OCIAD1: variants seen among roughly 807,000 people sequenced by gnomAD.
OCIAD1 encodes the protein OCIA domain-containing protein 1.
Under a neutral mutation model 38.9 loss-of-function variants are expected in OCIAD1, and 29 were observed. The observed-to-expected ratio is 0.74, with a 90% CI of 0.55 to 1.02. OCIAD1 has a LOEUF of 1.02. OCIAD1 is among the 50% of genes least tolerant of loss of function. The pLI is 0.00. For missense variants in OCIAD1, 288 were observed against 289.6 expected (o/e 0.99, Z 0.04); for synonymous variants, 110 against 92.0 (o/e 1.20, Z -1.12).
At chr4:48,807,830 G>T (rs965516330) in intron 1 of OCIAD1, among the ~76,000 whole-genome samples, 2 of 151,964 alleles carry the variant, frequency 1.3e-5, no homozygotes, top group African/African-American at 2.4e-5. Context: ...TTCAAACGTG[G>T]GTGTTTCCCA....
At chr4:48,833,589 A>C in intron 3 of OCIAD1, 108 bp downstream of exon 3, 1 of 659,742 alleles carries the variant, frequency 1.5e-6, no homozygotes, top group Non-Finnish European at 2.6e-6. Context: ...ACAAATTGGC[A>C]AACTTTTTGC....
chr4:48,822,244 A>T (rs192702410), intron 1 of OCIAD1, among the ~76,000 whole-genome samples: 2 of 152,316 alleles, frequency 1.3e-5, no homozygotes. Context: ...AACACCATGC[A>T]TCACAACCAT....
chr4:48,823,995 T>C (rs2109497458), intron 1 of OCIAD1, among the ~76,000 whole-genome samples: 1 of 151,678 alleles, frequency 6.6e-6, no homozygotes, highest in Admixed American at 6.6e-5. Flanking sequence ...TGTTTTGTTT[T>C]TAAGACAGGG....
intron 1 of OCIAD1, among the ~76,000 whole-genome samples, chr4:48,821,599 C>G (rs1777194495): frequency 6.6e-6 from 1 of 152,164 alleles, no homozygotes; most frequent in Non-Finnish European, 1.5e-5. Context: ...AAGAGGAAGT[C>G]AAATTGTCTC....
chr4:48,850,140 T>C, intron 6 of OCIAD1, 58 bp downstream of exon 6: 2 of 1,545,874 alleles, frequency 1.3e-6, no homozygotes, highest in African/African-American at 1.4e-5. Context: ...CAACTAGATG[T>C]TGCTATAACT....
intron 3 of OCIAD1, among the ~76,000 whole-genome samples, chr4:48,835,286 G>A (rs1777882135): frequency 6.6e-6 from 1 of 152,140 alleles, no homozygotes; most frequent in Non-Finnish European, 1.5e-5. Context: ...AACACTTAGA[G>A]ATTAAGTGTG....
intron 5 of OCIAD1, 45 bp from the exon 6 acceptor site, chr4:48,849,902 G>T: frequency 6.5e-7 from 1 of 1,535,750 alleles, no homozygotes; most frequent in Non-Finnish European, 8.8e-7. Flanking sequence ...ACTTTTGTCT[G>T]AAAGGCACAT....
intron 8 of OCIAD1, among the ~76,000 whole-genome samples, chr4:48,859,254 T>C (rs1001239794): frequency 6.6e-6 from 1 of 152,170 alleles, no homozygotes; most frequent in African/African-American, 2.4e-5. Flanking sequence ...GAATTAGGGA[T>C]GTACCATACT....
intron 1 of OCIAD1, among the ~76,000 whole-genome samples, chr4:48,816,283 G>C (rs1034214041): frequency 2.0e-5 from 3 of 152,154 alleles, no homozygotes; most frequent in African/African-American, 4.8e-5. Context: ...GAATAAACTG[G>C]AGGCGATCAG....
Position 48,831,267 on chromosome 4 carries a change from A to G in OCIAD1, c.-6+18A>G, listed in dbSNP as rs1777457766. On this transcript the variant is annotated intron_variant, in intron 1 of 8. Transcript: ENST00000264312. ...GTCGGGAGGTGGGTGAGGTGACGCA[A>G]ACAGCCCCGTTGTTGCCCTCCGCGT... 1 of 346,212 alleles carries G rather than the reference A, an allele frequency of 2.9e-6. No homozygotes were observed. Among genetic ancestry groups the G allele is most frequent in the Non-Finnish European group, 5.8e-6 (1 of 173,074 alleles). The allele number at this position is 346,212 out of a possible 1,614,324, so 21.4% of individuals were successfully genotyped here. A position where few individuals can be genotyped will look rare whatever the true frequency, so the allele number is the denominator to read the frequency against.
At chr4:48,843,981 C>G (rs1177079168) in intron 4 of OCIAD1, among the ~76,000 whole-genome samples, 1 of 152,134 alleles carries the variant, frequency 6.6e-6, no homozygotes, top group Non-Finnish European at 1.5e-5. Context: ...ACTTAATAAG[C>G]TACTAAATTG....
chr4:48,807,783 A>C (rs1777043838), intron 1 of OCIAD1, among the ~76,000 whole-genome samples: 1 of 152,104 alleles, frequency 6.6e-6, no homozygotes, highest in Admixed American at 6.6e-5. Context: ...GTATTTTTAA[A>C]AACTTCCCAA....
intron 6 of OCIAD1, among the ~76,000 whole-genome samples, 190 bp from the exon 7 acceptor site, chr4:48,851,616 C>T (rs1216149835): frequency 6.6e-6 from 1 of 151,802 alleles, no homozygotes; most frequent in African/African-American, 2.4e-5. Context: ...GTGGAGATTG[C>T]AATAAGCCAA....
intron 7 of OCIAD1, 72 bp downstream of exon 7, chr4:48,852,047 T>G: frequency 9.1e-7 from 1 of 1,102,886 alleles, no homozygotes; most frequent in Non-Finnish European, 1.3e-6. Context: ...TTTGATGACC[T>G]TTTCTGCTGG....
rs1262158901 is a variant in OCIAD1, at chr4:48,823,429, C to T, written c.-102-7148C>T. On this transcript the variant is annotated intron_variant, in intron 1 of 6. Coordinates refer to the OCIAD1 transcript ENST00000504654. Reference sequence around the variant, plus strand: ...GGCAAAGGGAGGGAGAGCGTTAGGGCAAATACCTAATGGATGCGGCGTTTA... The same window carrying T: ...GGCAAAGGGAGGGAGAGCGTTAGGGTAAATACCTAATGGATGCGGCGTTTA... 2.0e-5 allele frequency among the ~76,000 whole-genome samples: 3 copies of T among 151,896 alleles called. 1 individual carries two copies. In the South Asian group the frequency reaches 6.2e-4, roughly 32 times the overall value.
intron 1 of OCIAD1, among the ~76,000 whole-genome samples, chr4:48,813,827 G>A (rs1777115299): frequency 6.6e-6 from 1 of 152,102 alleles, no homozygotes; most frequent in Non-Finnish European, 1.5e-5. Context: ...TTTTTCTTAA[G>A]AGGAGCTCGT....
chr4:48,808,853 T>C (rs1777058069), intron 1 of OCIAD1, among the ~76,000 whole-genome samples: 1 of 152,156 alleles, frequency 6.6e-6, no homozygotes, highest in Non-Finnish European at 1.5e-5. Context: ...TCAATCAAAA[T>C]TTTCTCCCTC....
chr4:48,845,079 C>T (rs1778863018), intron 4 of OCIAD1, among the ~76,000 whole-genome samples: 1 of 151,992 alleles, frequency 6.6e-6, no homozygotes, highest in Non-Finnish European at 1.5e-5. Flanking sequence ...CTTAGATGTT[C>T]CTTCTGTTTC....
At chr4:48,819,701 A>G (rs1777172349) in intron 1 of OCIAD1, among the ~76,000 whole-genome samples, 1 of 131,498 alleles carries the variant, frequency 7.6e-6, no homozygotes, top group African/African-American at 2.8e-5. Context: ...GAGACGGAGG[A>G]ATATTTACCA....
Sources: allele counts gnomAD v4.1 joint callset (sites outside exome capture counted in the v4.1 genomes callset), GRCh38; gene constraint gnomAD v4.1.1; transcripts MANE v1.5; gene names NCBI Gene and HGNC (gene_info 2026-07-23, HGNC 2026-07-21).